Variants in PDZRN3 observed in about 807,000 individuals in gnomAD.
PDZRN3 encodes E3 ubiquitin-protein ligase PDZRN3.
Under a neutral mutation model 85.7 loss-of-function variants are expected in PDZRN3, and 38 were observed. The observed-to-expected ratio is 0.44, with a 90% confidence interval of 0.34 to 0.58. PDZRN3 has a LOEUF of 0.58. Among genes scored for constraint, PDZRN3 ranks in the 20% least tolerant of loss-of-function variants. PDZRN3 has a pLI of 0.01. For synonymous variants in PDZRN3, 759 were observed against 638.0 expected (o/e 1.19, Z -2.86); for missense variants, 1,629 against 1,506.4 (o/e 1.08, Z -1.35).
At chr3:73,510,329 A>G (rs5029197) in intron 3 of PDZRN3, among the ~76,000 whole-genome samples, 103,315 of 152,052 alleles carry the variant, frequency 0.68, 35,345 homozygotes, top group East Asian at 0.91. Context: ...TTGCCTGGAA[A>G]CTGGTGGCTC....
chr3:73,427,109 C>T (rs1013765018), intron 3 of PDZRN3, among the ~76,000 whole-genome samples: 1 of 152,176 alleles, frequency 6.6e-6, no homozygotes, highest in Non-Finnish European at 1.5e-5. Flanking sequence ...GGGATCCTTT[C>T]CCTGAAGTTC....
At chr3:73,519,670 C>T (rs1387938388) in intron 3 of PDZRN3, among the ~76,000 whole-genome samples, 3 of 152,176 alleles carry the variant, frequency 2.0e-5, no homozygotes, top group Admixed American at 1.3e-4. Context: ...AGAGTCGTAA[C>T]AGAAAAAACA....
In PDZRN3 at chr3:73,383,745, G is replaced by C; in HGVS notation, c.2821C>G (p.Arg941Gly). 3 of 1,612,284 alleles carry C rather than the reference G, an allele frequency of 1.9e-6. No individual in the cohort carries two copies. Residue 941 changes from arginine to glycine, a missense_variant, in exon 10 of 10, where the codon CGC becomes GGC. By Grantham distance (125) the Arg-to-Gly change is moderately radical. Transcript: ENST00000263666. ...TTCAGGGCGCGCTCCCGCAGCAGGC[G>C]GTCCCGCACGGGCCTCTTGGTGATG... is the stretch of plus-strand genomic sequence containing the variant. ...RYITKRPVRDRLLRERALKIR... is the reference protein window; with the variant it reads ...RYITKRPVRDGLLRERALKIR...
At chr3:73,504,952 T>A (rs1211945215) in intron 3 of PDZRN3, among the ~76,000 whole-genome samples, 1 of 152,134 alleles carries the variant, frequency 6.6e-6, no homozygotes, top group East Asian at 1.9e-4. Flanking sequence ...AAAACAACAA[T>A]GTTTTCATAT....
At chr3:73,411,531 T>C (rs1701966937) in intron 3 of PDZRN3, among the ~76,000 whole-genome samples, 1 of 152,146 alleles carries the variant, frequency 6.6e-6, no homozygotes, top group African/African-American at 2.4e-5. Flanking sequence ...GAAGCCTTCC[T>C]CTAAATCACG....
chr3:73,516,573 T>C lies in PDZRN3; in HGVS notation c.918+85781A>G, dbSNP rs117348316. ...AGAAAATTAGCCCTTCATCTCCTCT[T>C]GCTAGTTTGTTATGTTTTTTGCCAT... On this transcript the variant is annotated intron_variant, in intron 3 of 9. Transcript: ENST00000263666. 2.2e-4 allele frequency among the ~76,000 whole-genome samples: 34 copies of C among 152,366 alleles called. No homozygotes were observed. In the East Asian group the frequency reaches 6.2e-3, roughly 28 times the overall value.
intron 3 of PDZRN3, among the ~76,000 whole-genome samples, chr3:73,525,658 A>G (rs893265606): frequency 1.3e-5 from 2 of 152,186 alleles, no homozygotes; most frequent in Non-Finnish European, 2.9e-5. Flanking sequence ...ATGAGCAGCT[A>G]CTTTAGTTGA....
At chr3:73,606,406 C>A (rs1288140369) in intron 2 of PDZRN3, among the ~76,000 whole-genome samples, 3 of 152,094 alleles carry the variant, frequency 2.0e-5, no homozygotes, top group Non-Finnish European at 4.4e-5. Flanking sequence ...CTTCCTGGAG[C>A]CAAATGTCTA....
Position 73,383,955 on chromosome 3 carries a change from C to G in PDZRN3, c.2611G>C (p.Ala871Pro), listed in dbSNP as rs778683768. The G allele has an allele frequency of 1.8e-5, 29 of 1,600,762 alleles. No individual in the cohort carries two copies. The highest frequency in any genetic ancestry group is 2.5e-5 in the Non-Finnish European group (29 of 1,174,316). Residue 871 changes from alanine to proline, a missense_variant, in exon 10 of 10, where the codon GCG (alanine) becomes CCG (proline). Transcript: ENST00000263666. ...TGCTGGGCGTGCGCCGGGATGTGCG[C>G]GTGCTTGTATGGGGAGTGGTGATAG... ...PSYHHSPYKHAHIPAHAQHYQ... is the reference protein window; with the variant it reads ...PSYHHSPYKHPHIPAHAQHYQ...
chr3:73,481,121 C>T (rs1703552520), intron 3 of PDZRN3, among the ~76,000 whole-genome samples: 1 of 152,158 alleles, frequency 6.6e-6, no homozygotes, highest in Non-Finnish European at 1.5e-5. Flanking sequence ...GTGCTCTCAC[C>T]TCTATGCATA....
rs530899980 is a variant in PDZRN3, at chr3:73,425,118, C to T, written c.919-20723G>A. Among the ~76,000 whole-genome samples the T allele has an allele frequency of 4.7e-4, 71 of 152,024 alleles. 1 individual carries two copies. The highest frequency in any genetic ancestry group is 1.7e-3 in the African/African-American group (69 of 41,490). ...CAAGCTCCACCTCCCAGGTTCATGC[C>T]ATTCTCTTGCCTCAGCCTCCTGAGT... is the stretch of plus-strand genomic sequence containing the variant. On this transcript the variant is annotated intron_variant, in intron 3 of 9. Coordinates refer to ENST00000263666, the MANE Select transcript of PDZRN3 (RefSeq NM_015009.3).
chr3:73,389,878 T>G lies in PDZRN3; in HGVS notation c.1354A>C (p.Ile452Leu), dbSNP rs1701484668. ...EDDIGIYISE[I>L]DPNSIAAKDG... ...TTGGCTGCAATGCTGTTAGGGTCAA[T>G]CTGAAACACACATGGACCATCTCAG... The change falls in exon 7 of 10, where the codon ATT becomes CTT. Residue 452 changes from isoleucine to leucine, a missense_variant and splice_region_variant. Physicochemically the swap from Ile to Leu is conservative, Grantham distance 5 (BLOSUM62 2). Coordinates refer to ENST00000263666, the MANE Select transcript of PDZRN3 (RefSeq NM_015009.3). The G allele has an allele frequency of 6.2e-7, 1 of 1,612,626 alleles. No individual in the cohort carries two copies.
chr3:73,508,422 C>T (rs933915476), intron 3 of PDZRN3, among the ~76,000 whole-genome samples: 2 of 152,148 alleles, frequency 1.3e-5, no homozygotes, highest in African/African-American at 2.4e-5. Context: ...AAAAGTCAAC[C>T]GAAGTTTCTC....
At chr3:73,593,658 A>G (rs1210401479) in intron 3 of PDZRN3, among the ~76,000 whole-genome samples, 1 of 151,978 alleles carries the variant, frequency 6.6e-6, no homozygotes, top group African/African-American at 2.4e-5. Flanking sequence ...AAATCAAAAG[A>G]CACTTTTAAA....
intron 3 of PDZRN3, among the ~76,000 whole-genome samples, chr3:73,592,397 CCAAA>C (rs56040528): frequency 0.48 from 73,374 of 151,462 alleles, 19,481 homozygotes; most frequent in East Asian, 0.65. Flanking sequence ...GCCTAGGAAA[CCAAA>C]CACTCTTAGG....
chr3:73,475,144 C>G (rs1371195311), intron 3 of PDZRN3, among the ~76,000 whole-genome samples: 1 of 152,170 alleles, frequency 6.6e-6, no homozygotes, highest in African/African-American at 2.4e-5. Flanking sequence ...GCCAGTCTGG[C>G]TCCAAGCTCT....
At chr3:73,581,384 G>A (rs962800138) in intron 3 of PDZRN3, among the ~76,000 whole-genome samples, 1 of 152,168 alleles carries the variant, frequency 6.6e-6, no homozygotes, top group African/African-American at 2.4e-5. Context: ...ATGTCTGTGT[G>A]TGGGTGTGAA....
chr3:73,501,649 G>A (rs537697742), intron 3 of PDZRN3, among the ~76,000 whole-genome samples: 6 of 152,284 alleles, frequency 3.9e-5, no homozygotes, highest in East Asian at 1.9e-4. Context: ...GGAAAACCTC[G>A]TTAAACTTGG....
At chr3:73,483,555 T>A (rs993925136) in intron 3 of PDZRN3, among the ~76,000 whole-genome samples, 2 of 152,238 alleles carry the variant, frequency 1.3e-5, no homozygotes, top group African/African-American at 4.8e-5. Context: ...GGCTGCCACA[T>A]AGTTAAGCAA....
Sources: allele counts gnomAD v4.1 joint callset (sites outside exome capture counted in the v4.1 genomes callset), GRCh38; gene constraint gnomAD v4.1.1; transcripts MANE v1.5; gene names NCBI Gene and HGNC (gene_info 2026-07-23, HGNC 2026-07-21).